ETF1: variants seen among roughly 807,000 people sequenced by gnomAD.
The protein encoded by ETF1 is eukaryotic translation termination factor 1.
A neutral mutation model predicts 55.1 loss-of-function variants in ETF1; 4 were observed. The observed-to-expected ratio is 0.07, with a 90% CI of 0.04 to 0.17. ETF1 has a LOEUF of 0.17. Among genes scored for constraint, ETF1 ranks in the 10% least tolerant of loss-of-function variants. The pLI is 1.00. For synonymous variants in ETF1, 157 were observed against 182.3 expected (o/e 0.86, Z 1.12); for missense variants, 142 against 523.6 (o/e 0.27, Z 7.11).
chr5:138,541,468 C>T lies in ETF1; in HGVS notation c.86+1365G>A, dbSNP rs936233660. 4.8e-5 allele frequency: 65 copies of T among 1,345,740 alleles called. No individual in the cohort carries two copies. In the Middle Eastern group the frequency reaches 8.9e-4, roughly 18 times the overall value. 83.4% of individuals were successfully genotyped at this position (1,345,740 alleles called of 1,614,324 possible). A position where few individuals can be genotyped will look rare whatever the true frequency, so the allele number is the denominator to read the frequency against. ...GGCCAAACTTTTAGAAGCCTCATTC[C>T]AAACAGAACTGTCCCTAATTTATTA... is the stretch of plus-strand genomic sequence containing the variant. On this transcript the variant is annotated intron_variant, in intron 2 of 10. Transcript: ENST00000360541.
chr5:138,537,358 T>A (rs1424218779), intron 2 of ETF1, among the ~76,000 whole-genome samples: 1 of 152,218 alleles, frequency 6.6e-6, no homozygotes, highest in Non-Finnish European at 1.5e-5. Context: ...AGAGCTAACA[T>A]TACAGAGCAC....
At chr5:138,536,226 T>A (rs1381569232) in intron 2 of ETF1, among the ~76,000 whole-genome samples, 1 of 152,208 alleles carries the variant, frequency 6.6e-6, no homozygotes, top group Non-Finnish European at 1.5e-5. Context: ...ATTTTGACTA[T>A]GATCATTCTT....
Position 138,510,958 on chromosome 5 carries a change from T to C in ETF1, c.1018+87A>G, listed in dbSNP as rs1023414414. Reference sequence around the variant, plus strand: ...ATGGGTAGATCTACCTTCTGATTGCTCCTGAAATCAGCCATCCCTCCCAAA... The same window carrying C: ...ATGGGTAGATCTACCTTCTGATTGCCCCTGAAATCAGCCATCCCTCCCAAA... On this transcript the variant is annotated intron_variant, in intron 8 of 10. Transcript: ENST00000360541. 5.8e-6 allele frequency: 9 copies of C among 1,551,830 alleles called. No homozygotes were observed. The Admixed American group carries it at 9.6e-5, about 16-fold the overall frequency.
At chr5:138,509,137 C>A in intron 9 of ETF1, 3 of 985,282 alleles carry the variant, frequency 3.0e-6, no homozygotes, top group Non-Finnish European at 3.6e-6. Context: ...CTAAGCAGCA[C>A]CCATTCAATG....
chr5:138,528,112 G>A (rs980196818), intron 2 of ETF1, among the ~76,000 whole-genome samples: 3 of 152,164 alleles, frequency 2.0e-5, no homozygotes, highest in Non-Finnish European at 4.4e-5. Flanking sequence ...TTAAAAAGCC[G>A]ACATGCTCTG....
chr5:138,523,824 T>C (rs570091535), intron 2 of ETF1, among the ~76,000 whole-genome samples: 7 of 152,042 alleles, frequency 4.6e-5, no homozygotes, highest in Non-Finnish European at 8.8e-5. Context: ...CCCAGCACTT[T>C]GGGAGGCTTG....
At chr5:138,525,139 A>G (rs1765413919) in intron 2 of ETF1, among the ~76,000 whole-genome samples, 1 of 151,868 alleles carries the variant, frequency 6.6e-6, no homozygotes, top group South Asian at 2.1e-4. Context: ...TCATGTTAAG[A>G]AAAACCAGCT....
intron 6 of ETF1, chr5:138,511,863 A>C (rs376091944): frequency 4.1e-6 from 4 of 985,068 alleles, no homozygotes; most frequent in South Asian, 9.4e-5. Context: ...GTTATTGTGG[A>C]GGAAAGGGGG....
intron 2 of ETF1, among the ~76,000 whole-genome samples, chr5:138,536,855 C>T (rs1374152046): frequency 2.0e-5 from 3 of 152,122 alleles, no homozygotes; most frequent in African/African-American, 7.2e-5. Flanking sequence ...AGAAAACGAG[C>T]CCTGTGAAGA....
chr5:138,530,661 C>G (rs1580711106), intron 2 of ETF1, among the ~76,000 whole-genome samples: 1 of 152,066 alleles, frequency 6.6e-6, no homozygotes. Flanking sequence ...GCAACCTCTG[C>G]CTCCCCAGTT....
chr5:138,535,080 A>C (rs943649813), intron 2 of ETF1, among the ~76,000 whole-genome samples: 1 of 149,820 alleles, frequency 6.7e-6, no homozygotes, highest in African/African-American at 2.5e-5. Flanking sequence ...CCTCCCGAGT[A>C]GCTGGGATTA....
Position 138,511,235 on chromosome 5 carries a change from A to G in ETF1, c.863-35T>C, listed in dbSNP as rs1334018178. On this transcript the variant is annotated intron_variant, in intron 7 of 10. Transcript: ENST00000360541. ...GGGATCAGTCAACAGGATATATATT[A>G]AAGTTTCCCTAGTAGATACAAACAC... 9 of 1,605,748 alleles carry G rather than the reference A, an allele frequency of 5.6e-6. No individual in the cohort carries two copies. The African/African-American group carries it at 1.1e-4, about 19-fold the overall frequency.
intron 2 of ETF1, among the ~76,000 whole-genome samples, chr5:138,536,618 A>T (rs947360395): frequency 6.6e-6 from 1 of 152,210 alleles, no homozygotes; most frequent in South Asian, 2.1e-4. Flanking sequence ...TTCTATTCTG[A>T]GAGCCCTAGA....
intron 2 of ETF1, among the ~76,000 whole-genome samples, chr5:138,528,324 A>G (rs1369809273): frequency 6.6e-6 from 1 of 152,198 alleles, no homozygotes; most frequent in Admixed American, 6.5e-5. Flanking sequence ...AAATAAGATA[A>G]TGATGTGGAG....
chr5:138,541,601 C>G, intron 2 of ETF1: 1 of 1,530,530 alleles, frequency 6.5e-7, no homozygotes, highest in Non-Finnish European at 8.7e-7. Context: ...GGCTGTCATT[C>G]TAAAATTGCA....
At position 138,517,427 on chromosome 5, in the gene ETF1, G is replaced by C. The variant is rs1014705455; in HGVS notation, c.402+134C>G. ...TAAAAATAAAAGAAGTACAGCACAA[G>C]CATATCTATGGAAAGAAAATATAGT... On this transcript the variant is annotated intron_variant, in intron 4 of 10. Coordinates refer to ENST00000360541, the MANE Select transcript of ETF1 (RefSeq NM_004730.4). 9.3e-6 allele frequency: 4 copies of C among 429,302 alleles called. No individual in the cohort carries two copies. The East Asian group carries it at 1.0e-4, about 11-fold the overall frequency. 26.6% of individuals were successfully genotyped at this position (429,302 alleles called of 1,614,324 possible). A position where few individuals can be genotyped will look rare whatever the true frequency, so the allele number is the denominator to read the frequency against.
rs1251222229 is a variant in ETF1, at chr5:138,507,352, C to T, written c.*953G>A. ...ATAAATCAAAACATTCACATAATCT[C>T]ATGCCATCCAACACAAGGAAAACAC... is the stretch of plus-strand genomic sequence containing the variant. On this transcript the variant is annotated 3_prime_UTR_variant, in exon 11 of 11. Coordinates refer to ENST00000360541, the MANE Select transcript of ETF1 (RefSeq NM_004730.4). 1 of 152,650 alleles carries T rather than the reference C, an allele frequency of 6.6e-6. No homozygotes were observed. The highest frequency in any genetic ancestry group is 1.9e-4 in the East Asian group (1 of 5,202). The allele number at this position is 152,650 out of a possible 1,614,324, so 9.5% of individuals were successfully genotyped here.
At chr5:138,522,581 T>TA (rs200019732) in intron 2 of ETF1, among the ~76,000 whole-genome samples, 4,719 of 140,802 alleles carry the variant, frequency 0.034, 184 homozygotes, top group African/African-American at 0.096. Context: ...TTCATAATAG[T>TA]AAAAAAAAAA....
chr5:138,524,578 G>GTTTTTTT lies in ETF1; in HGVS notation c.87-5712_87-5711insAAAAAAA, dbSNP rs1201498667. Among the ~76,000 whole-genome samples the GTTTTTTT allele has an allele frequency of 1.5e-5, 2 of 133,002 alleles. 1 individual carries two copies. The allele number at this position is 133,002 out of a possible 152,430, so 87.3% of individuals were successfully genotyped here. A position where few individuals can be genotyped will look rare whatever the true frequency, so the allele number is the denominator to read the frequency against. On this transcript the variant is annotated intron_variant, in intron 2 of 10. Coordinates refer to ENST00000360541, the MANE Select transcript of ETF1 (RefSeq NM_004730.4). The stretch of plus-strand genomic sequence containing the variant: ...TTAAAAAAAAAAAAAATTTCTTTCC[G>GTTTTTTT]TTTTTTGTTTTTTTTTTTGAGACAG...
Sources: allele counts gnomAD v4.1 joint callset (sites outside exome capture counted in the v4.1 genomes callset), GRCh38; gene constraint gnomAD v4.1.1; transcripts MANE v1.5; gene names NCBI Gene and HGNC (gene_info 2026-07-23, HGNC 2026-07-21).